The following KCNJ6 variants were observed in gnomAD, a reference collection of about 807,000 sequenced individuals.
The protein encoded by KCNJ6 is potassium inwardly rectifying channel subfamily J member 6, also known as G protein-activated inward rectifier potassium channel 2.
A neutral mutation model predicts 34.2 loss-of-function variants in KCNJ6; 9 were observed. The ratio of observed to expected loss-of-function variants is 0.26; its 90% CI spans 0.16 to 0.46. The LOEUF is 0.46. KCNJ6 is among the 20% of genes least tolerant of loss of function. The probability of loss-of-function intolerance (pLI) is 1.00; values close to 1 mark genes in which losing one functional copy is unlikely to be tolerated. For missense variants in KCNJ6, 236 were observed against 531.3 expected (o/e 0.44, Z 5.46); for synonymous variants, 196 against 207.1 (o/e 0.95, Z 0.46).
At chr21:37,640,282 G>C (rs2054375262) in intron 3 of KCNJ6, among the ~76,000 whole-genome samples, 1 of 152,200 alleles carries the variant, frequency 6.6e-6, no homozygotes, top group Admixed American at 6.5e-5. Flanking sequence ...AGGCACACAG[G>C]CCTGGGTTTG....
chr21:37,881,790 G>A (rs78065349), intron 1 of KCNJ6, among the ~76,000 whole-genome samples: 11,158 of 152,064 alleles, frequency 0.073, 604 homozygotes, highest in East Asian at 0.3. Context: ...ATGCCACCAC[G>A]CTGGGGGTTA....
chr21:37,806,588 C>T (rs934611668), intron 2 of KCNJ6, among the ~76,000 whole-genome samples: 1 of 152,142 alleles, frequency 6.6e-6, no homozygotes, highest in Non-Finnish European at 1.5e-5. Context: ...ATCAGGAGGA[C>T]GTTTCAAGTT....
At position 37,818,504 on chromosome 21, in the gene KCNJ6, C is replaced by T. The variant is rs146454231; in HGVS notation, c.25+22154G>A. ...ATGTTTTACCCGACTCAGGCTTTGA[C>T]GGCCTGCAACTTTGGTGGATTTACC... On this transcript the variant is annotated intron_variant, in intron 2 of 3. Coordinates refer to ENST00000609713, the MANE Select transcript of KCNJ6 (RefSeq NM_002240.5). Among the ~76,000 whole-genome samples the T allele has an allele frequency of 5.5e-3, 838 of 152,194 alleles. 9 individuals carry two copies. Among genetic ancestry groups the T allele is most frequent in the African/African-American group, 0.019 (790 of 41,506 alleles).
chr21:37,737,653 G>C (rs748933384), intron 2 of KCNJ6, among the ~76,000 whole-genome samples: 2 of 152,212 alleles, frequency 1.3e-5, no homozygotes, highest in Admixed American at 1.3e-4. Context: ...GGTGAGGCCT[G>C]AGTGGTGTCT....
chr21:37,809,559 G>A (rs1278526077), intron 2 of KCNJ6, among the ~76,000 whole-genome samples: 1 of 152,212 alleles, frequency 6.6e-6, no homozygotes, highest in East Asian at 1.9e-4. Context: ...ATTATTCTTA[G>A]AAAGGAAATT....
chr21:37,642,096 G>A (rs2054383348), intron 3 of KCNJ6, among the ~76,000 whole-genome samples: 1 of 152,220 alleles, frequency 6.6e-6, no homozygotes, highest in Admixed American at 6.5e-5. Flanking sequence ...TTTGACACAT[G>A]CAAGAATATT....
chr21:37,712,690 T>C lies in KCNJ6; in HGVS notation c.946+1521A>G, dbSNP rs747382869. 2.9e-3 allele frequency among the ~76,000 whole-genome samples: 78 copies of C among 27,156 alleles called. 1 individual carries two copies. Among genetic ancestry groups the C allele is most frequent in the Middle Eastern group, 0.025 (1 of 40 alleles). The allele number at this position is 27,156 out of a possible 152,430, so 17.8% of individuals were successfully genotyped here. A position where few individuals can be genotyped will look rare whatever the true frequency, so the allele number is the denominator to read the frequency against. On this transcript the variant is annotated intron_variant, in intron 3 of 3. Transcript: ENST00000609713. ...CTTTCTCTTCCCTCCTTCCTCCCCT[T>C]CTCCTCCTCTCCTTCCTCCCTTTCT...
chr21:37,837,713 G>GT lies in KCNJ6; in HGVS notation c.25+2944dup, dbSNP rs5843868. On this transcript the variant is annotated intron_variant, in intron 2 of 3. Transcript: ENST00000609713. The stretch of plus-strand genomic sequence containing the variant: ...GTTTTGGGTATTCATGGTTCTGTCT[G>GT]TTTTTTTTTTTTTCTTCCAGAGTGT... 5.9e-3 allele frequency among the ~76,000 whole-genome samples: 863 copies of GT among 145,886 alleles called. 7 individuals carry two copies. Among genetic ancestry groups the GT allele is most frequent in the African/African-American group, 0.018 (711 of 39,972 alleles).
At chr21:37,750,142 T>G (rs1283910186) in intron 2 of KCNJ6, among the ~76,000 whole-genome samples, 1 of 152,204 alleles carries the variant, frequency 6.6e-6, no homozygotes, top group Non-Finnish European at 1.5e-5. Flanking sequence ...TCATCATCAC[T>G]GGTCATTAGA....
intron 3 of KCNJ6, among the ~76,000 whole-genome samples, chr21:37,660,260 T>C (rs760849214): frequency 1.1e-4 from 16 of 152,240 alleles, no homozygotes; most frequent in Non-Finnish European, 1.6e-4. Flanking sequence ...AGAAAGGCCA[T>C]GTTTTACCAG....
At chr21:37,750,697 A>C (rs2054990880) in intron 2 of KCNJ6, among the ~76,000 whole-genome samples, 1 of 150,588 alleles carries the variant, frequency 6.6e-6, no homozygotes, top group Admixed American at 6.6e-5. Flanking sequence ...ATGGGGACAC[A>C]GGGAGGGGAA....
intron 2 of KCNJ6, among the ~76,000 whole-genome samples, chr21:37,791,051 G>A (rs1361710037): frequency 1.3e-5 from 2 of 152,260 alleles, no homozygotes; most frequent in Admixed American, 6.5e-5. Flanking sequence ...CCAGCTGGGC[G>A]CTTCATCCCA....
At chr21:37,858,419 A>C (rs1381870587) in intron 1 of KCNJ6, among the ~76,000 whole-genome samples, 1 of 146,560 alleles carries the variant, frequency 6.8e-6, no homozygotes, top group African/African-American at 2.5e-5. Context: ...AAAAAAAAAG[A>C]AAGTTCAGAT....
intron 1 of KCNJ6, among the ~76,000 whole-genome samples, chr21:37,886,856 A>G (rs151138940): frequency 6.6e-6 from 1 of 151,980 alleles, no homozygotes; most frequent in East Asian, 1.9e-4. Context: ...GTTTGCTGAC[A>G]CACAGAAAGC....
At chr21:37,657,746 T>C (rs2054470650) in intron 3 of KCNJ6, among the ~76,000 whole-genome samples, 2 of 152,208 alleles carry the variant, frequency 1.3e-5, no homozygotes, top group African/African-American at 4.8e-5. Context: ...AAGTGAGGTC[T>C]TAGAGAAGAG....
intron 2 of KCNJ6, among the ~76,000 whole-genome samples, chr21:37,789,964 G>C (rs2055209535): frequency 6.6e-6 from 1 of 152,144 alleles, no homozygotes; most frequent in South Asian, 2.1e-4. Context: ...CCAGGTGTGT[G>C]AGTGATAGAG....
At chr21:37,642,838 GATACTT>G (rs1053891627) in intron 3 of KCNJ6, among the ~76,000 whole-genome samples, 24 of 152,152 alleles carry the variant, frequency 1.6e-4, no homozygotes, top group Non-Finnish European at 2.9e-4. Context: ...AACAAAAAAA[GATACTT>G]ATAACTAAAA....
intron 3 of KCNJ6, among the ~76,000 whole-genome samples, chr21:37,651,642 T>C (rs1264277661): frequency 6.6e-6 from 1 of 152,194 alleles, no homozygotes; most frequent in Non-Finnish European, 1.5e-5. Context: ...ACAAATTCCC[T>C]TGATGTCATC....
chr21:37,896,074 C>A (rs1285154830), intron 1 of KCNJ6, among the ~76,000 whole-genome samples: 3 of 152,140 alleles, frequency 2.0e-5, no homozygotes, highest in African/African-American at 4.8e-5. Context: ...CCTCAGGAAA[C>A]TTACAATCAT....
Sources: allele counts gnomAD v4.1 joint callset (sites outside exome capture counted in the v4.1 genomes callset), GRCh38; gene constraint gnomAD v4.1.1; transcripts MANE v1.5; gene names NCBI Gene and HGNC (gene_info 2026-07-23, HGNC 2026-07-21).